ARL6IP6: variants seen among roughly 807,000 people sequenced by gnomAD.
ARL6IP6 encodes ARF like GTPase 6 interacting protein 6.
In ARL6IP6, 22 loss-of-function variants were observed where a neutral mutation model predicts 21.5. That is an observed-to-expected ratio of 1.02 (90% confidence interval 0.73 to 1.46). The LOEUF is 1.46. Ranked by LOEUF, ARL6IP6 falls within the 40% of genes most tolerant of loss-of-function variation. The probability of loss-of-function intolerance (pLI) is 0.00; values close to 1 mark genes in which losing one functional copy is unlikely to be tolerated. For synonymous variants in ARL6IP6, 164 were observed against 125.3 expected, an observed-to-expected ratio of 1.31 and a Z score of -2.06; for missense variants, 388 against 299.8, an observed-to-expected ratio of 1.29 and a Z score of -2.17.
chr2:152,719,980 G>A (rs895921760), intron 1 of ARL6IP6: 2 of 232,978 alleles, frequency 8.6e-6, no homozygotes, highest in African/African-American at 2.4e-4. Flanking sequence ...GCCAGTTGAT[G>A]TGGGTTTTAC....
At chr2:152,743,142 G>A (rs955447232) in intron 3 of ARL6IP6, among the ~76,000 whole-genome samples, 1 of 151,712 alleles carries the variant, frequency 6.6e-6, no homozygotes, top group Non-Finnish European at 1.5e-5. Flanking sequence ...CCTAGTACCT[G>A]TATTCCACTT....
At chr2:152,717,843 G>A (rs1229478633), upstream of ARL6IP6, 5 of 1,104,712 alleles carry the variant, frequency 4.5e-6, no homozygotes, top group Non-Finnish European at 4.4e-6. Flanking sequence ...GAGGCCGCCA[G>A]GGGTAGGGTG....
At chr2:152,736,960 A>G (rs761046059) in intron 3 of ARL6IP6, among the ~76,000 whole-genome samples, 1 of 152,166 alleles carries the variant, frequency 6.6e-6, no homozygotes, top group Non-Finnish European at 1.5e-5. Context: ...CTCCCAGTGG[A>G]TACCAAGGTG....
intron 2 of ARL6IP6, among the ~76,000 whole-genome samples, chr2:152,727,444 G>A (rs533940212): frequency 2.6e-4 from 40 of 152,190 alleles, no homozygotes; most frequent in South Asian, 6.2e-4. Context: ...TTAATTTAGC[G>A]TAACCTAAGT....
intron 2 of ARL6IP6, among the ~76,000 whole-genome samples, chr2:152,723,337 A>T (rs188307988): frequency 1.3e-5 from 2 of 152,320 alleles, no homozygotes; most frequent in Admixed American, 1.3e-4. Context: ...ATTATATTTC[A>T]CTATTTATTT....
At chr2:152,750,488 AAGAG>A (rs200604492) in intron 3 of ARL6IP6, among the ~76,000 whole-genome samples, 1,865 of 149,984 alleles carry the variant, frequency 0.012, 17 homozygotes, top group East Asian at 0.056. Flanking sequence ...AAAAAAAAAA[AAGAG>A]AGAGAGAGAG....
upstream of ARL6IP6, chr2:152,717,849 G>A (rs1405959952): frequency 3.6e-6 from 4 of 1,101,012 alleles, no homozygotes; most frequent in African/African-American, 1.7e-5. Context: ...GCCAGGGGTA[G>A]GGTGGAGGGG....
In ARL6IP6 at chr2:152,718,823, C is replaced by A; in HGVS notation, c.199C>A (p.Pro67Thr). 6.2e-7 allele frequency: 1 copy of A among 1,609,268 alleles called. No homozygotes were observed. Among genetic ancestry groups the A allele is most frequent in the South Asian group, 1.1e-5 (1 of 90,600 alleles). The part of the protein sequence containing the change: ...AEFSAGAWSE[P>T]RKRSVLPPDG... ...GTTCTCGGCTGGGGCGTGGTCAGAG[C>A]CCAGAAAGCGCTCGGTGCTCCCGCC... The change falls in exon 1 of 4, where the codon CCC (proline) becomes ACC (threonine). Residue 67 changes from proline to threonine, a missense_variant. Physicochemically the swap from Pro to Thr is conservative, Grantham distance 38. Transcript: ENST00000326446.
chr2:152,725,468 G>A (rs1048964597), intron 2 of ARL6IP6, among the ~76,000 whole-genome samples: 8 of 151,874 alleles, frequency 5.3e-5, no homozygotes, highest in African/African-American at 1.9e-4. Context: ...GTATACAAAG[G>A]TGATTTGGAA....
At chr2:152,740,908 C>A (rs1700778043) in intron 3 of ARL6IP6, among the ~76,000 whole-genome samples, 1 of 151,976 alleles carries the variant, frequency 6.6e-6, no homozygotes, top group South Asian at 2.1e-4. Flanking sequence ...GGAAAATATG[C>A]CGTTATTTCA....
At position 152,750,481 on chromosome 2, in the gene ARL6IP6, A is replaced by T. The variant is rs865837022; in HGVS notation, c.588-9266A>T. Among the ~76,000 whole-genome samples the T allele has an allele frequency of 4.7e-3, 712 of 151,716 alleles. 4 individuals are homozygous for T. The highest frequency in any genetic ancestry group is 0.016 in the African/African-American group (663 of 41,268). ...ACAGAGCAAGACTCTGTCCAAAAAA[A>T]AAAAAAAAGAGAGAGAGAGAGAGAA... On this transcript the variant is annotated intron_variant, in intron 3 of 3. Coordinates refer to ENST00000326446, the MANE Select transcript of ARL6IP6 (RefSeq NM_152522.7).
chr2:152,718,271 G>C, upstream of ARL6IP6: 2 of 275,764 alleles, frequency 7.3e-6, no homozygotes, highest in Non-Finnish European at 1.2e-5. Flanking sequence ...GGGGCTGTCG[G>C]GGCGCGCGCT....
At chr2:152,733,947 G>A (rs751734570) in intron 2 of ARL6IP6, among the ~76,000 whole-genome samples, 4 of 152,086 alleles carry the variant, frequency 2.6e-5, no homozygotes, top group Non-Finnish European at 5.9e-5. Flanking sequence ...GATTGAGTGG[G>A]TGAATAAGTG....
intron 1 of ARL6IP6, chr2:152,720,119 TG>T: frequency 2.9e-6 from 1 of 339,600 alleles, no homozygotes; most frequent in Non-Finnish European, 5.8e-6. Context: ...CTGATAGTTT[TG>T]TCTCCTAGGT....
chr2:152,727,904 T>C (rs1700118130), intron 2 of ARL6IP6, among the ~76,000 whole-genome samples: 2 of 152,228 alleles, frequency 1.3e-5, no homozygotes, highest in Admixed American at 6.5e-5. Flanking sequence ...GTATTTTCAT[T>C]GTTAGTATCA....
At chr2:152,720,326 C>T (rs1417500531) in intron 1 of ARL6IP6, 8 of 588,904 alleles carry the variant, frequency 1.4e-5, no homozygotes, top group Admixed American at 8.7e-5. Flanking sequence ...ATCCTATGTA[C>T]GGTATATAGC....
intron 2 of ARL6IP6, among the ~76,000 whole-genome samples, chr2:152,730,552 C>T (rs573618198): frequency 7.9e-5 from 12 of 151,402 alleles, no homozygotes; most frequent in African/African-American, 2.7e-4. Flanking sequence ...TTTTTTTTAC[C>T]CTCTATCCTG....
upstream of ARL6IP6, chr2:152,718,229 G>T: frequency 2.8e-6 from 1 of 361,582 alleles, no homozygotes; most frequent in Non-Finnish European, 4.0e-6. Context: ...GCGAGCGGGC[G>T]CTAGGACCCG....
chr2:152,734,049 T>C (rs1700444773), intron 2 of ARL6IP6, among the ~76,000 whole-genome samples: 1 of 152,228 alleles, frequency 6.6e-6, no homozygotes, highest in South Asian at 2.1e-4. Context: ...CAGTATTTCC[T>C]GTCTTCCTAT....
Sources: gnomAD v4.1 joint callset for allele counts (sites outside exome capture counted in the v4.1 genomes callset) on GRCh38, gnomAD v4.1.1 for gene constraint, MANE v1.5 for transcripts, NCBI Gene and HGNC (gene_info 2026-07-23, HGNC 2026-07-21) for gene names.